The following TTBK2 variants were observed in gnomAD, a reference collection of about 807,000 sequenced individuals.
TTBK2 encodes tau tubulin kinase 2.
TTBK2 carries 28 observed loss-of-function variants against 110.8 expected under a neutral mutation model. That is an observed-to-expected ratio of 0.25 (90% CI 0.19 to 0.35). The LOEUF is 0.35. Ranked by LOEUF, TTBK2 falls within the 10% of genes least tolerant of loss-of-function variation. The pLI is 1.00. For synonymous variants in TTBK2, 532 were observed against 527.3 expected (o/e 1.01, Z -0.12); for missense variants, 1,369 against 1,500.3 (o/e 0.91, Z 1.45).
intron 10 of TTBK2, among the ~76,000 whole-genome samples, chr15:42,788,187 T>C (rs1890491785): frequency 6.6e-6 from 1 of 152,178 alleles, no homozygotes; most frequent in African/African-American, 2.4e-5. Flanking sequence ...GGTTCTTAAA[T>C]TTCCAGTAAA....
chr15:42,802,027 T>C lies in TTBK2; in HGVS notation c.823-7226A>G, dbSNP rs376332406. On this transcript the variant is annotated intron_variant, in intron 9 of 14. Transcript: ENST00000267890. ...GTCCATGTTGCTCCGAGCCATCTTC[T>C]GCTGCTGCACGAGGCTCCACTTGGT... is the stretch of plus-strand genomic sequence containing the variant. 1,330 of 1,485,786 alleles carry C rather than the reference T, an allele frequency of 9.0e-4. 4 individuals carry two copies. The highest frequency in any genetic ancestry group is 1.1e-3 in the Non-Finnish European group (1,158 of 1,075,948). The allele number at this position is 1,485,786 out of a possible 1,614,324, so 92.0% of individuals were successfully genotyped here.
intron 13 of TTBK2, among the ~76,000 whole-genome samples, chr15:42,756,457 G>C (rs765455886): frequency 7.3e-5 from 11 of 151,646 alleles, no homozygotes; most frequent in Non-Finnish European, 1.3e-4. Flanking sequence ...GTGATGGCGG[G>C]TGCCTGTAAT....
In TTBK2 at chr15:42,745,669, G is replaced by C. The variant is rs974533757; in HGVS notation, c.*126C>G. On this transcript the variant is annotated 3_prime_UTR_variant, in exon 15 of 15. Coordinates refer to ENST00000267890, the MANE Select transcript of TTBK2 (RefSeq NM_173500.4). ...GTATTATGTCTTCTTATAAATAATT[G>C]ATCATGTTACTTTCTTTTGCAAGAG... is the stretch of plus-strand genomic sequence containing the variant. The C allele has an allele frequency of 5.2e-6, 6 of 1,145,766 alleles. No homozygotes were observed. In the African/African-American group the frequency reaches 9.1e-5, roughly 17 times the overall value. 71.0% of individuals were successfully genotyped at this position (1,145,766 alleles called of 1,614,324 possible). A position where few individuals can be genotyped will look rare whatever the true frequency, so the allele number is the denominator to read the frequency against.
At chr15:42,747,080 T>G (rs997527627) in intron 14 of TTBK2, among the ~76,000 whole-genome samples, 3 of 150,918 alleles carry the variant, frequency 2.0e-5, no homozygotes, top group African/African-American at 7.3e-5. Context: ...TCCTCCCACC[T>G]CAGCCTCCTG....
chr15:42,820,632 C>A (rs1032855125), intron 6 of TTBK2, among the ~76,000 whole-genome samples: 1 of 152,014 alleles, frequency 6.6e-6, no homozygotes, highest in African/African-American at 2.4e-5. Context: ...ACCTAAATGT[C>A]TGCCAATAGG....
rs145960232 is a variant in TTBK2 at position 42,837,940 on chromosome 15, G to A, written c.291+2420C>T. 2.0e-3 allele frequency among the ~76,000 whole-genome samples: 312 copies of A among 152,262 alleles called. 1 individual carries two copies. The highest frequency in any genetic ancestry group is 4.1e-3 in the Admixed American group (63 of 15,298). On this transcript the variant is annotated intron_variant, in intron 4 of 14. Transcript: ENST00000267890. ...ATAAAGAAACCTGCTGGGCGCGGTG[G>A]CTCACACCTGTAATCCCAGCACTTT...
intron 3 of TTBK2, among the ~76,000 whole-genome samples, chr15:42,846,480 C>G (rs989283883): frequency 1.3e-5 from 2 of 152,128 alleles, no homozygotes; most frequent in African/African-American, 2.4e-5. Flanking sequence ...CCATGCCCAG[C>G]CTTTTTCCTA....
In TTBK2 at chr15:42,752,579, C is replaced by A. The variant is rs768128776; in HGVS notation, c.2667G>T (p.Leu889Phe). 3 of 1,614,146 alleles carry A rather than the reference C, an allele frequency of 1.9e-6. No individual in the cohort carries two copies. The highest frequency in any genetic ancestry group is 2.5e-6 in the Non-Finnish European group (3 of 1,180,036). ...TAGAGAGGTCTCCTTGATGACCTGG[C>A]AAGTCTTCACTCATGATGTCATCAT... ...SKDDDIMSED[L>F]PGHQGDLSTF... Residue 889 changes from leucine to phenylalanine, a missense_variant, in exon 14 of 15, where the codon TTG (leucine) becomes TTT (phenylalanine). By Grantham distance (22) the Leu-to-Phe change is conservative. Around this residue, in one of 4 missense-constraint regions of TTBK2, gnomAD observed 1,097 missense variants for 1,114.7 expected, o/e 0.98. Coordinates refer to ENST00000267890, the MANE Select transcript of TTBK2 (RefSeq NM_173500.4).
chr15:42,900,854 A>G (rs1270923416), intron 1 of TTBK2, among the ~76,000 whole-genome samples: 2 of 152,174 alleles, frequency 1.3e-5, no homozygotes, highest in Non-Finnish European at 2.9e-5. Context: ...TTTAAAAGCT[A>G]AAATATTTAA....
intron 3 of TTBK2, among the ~76,000 whole-genome samples, chr15:42,869,304 G>T (rs896695658): frequency 1.3e-5 from 2 of 151,462 alleles, no homozygotes; most frequent in African/African-American, 4.9e-5. Context: ...GCCCAGACTG[G>T]TCTCAAATTC....
At chr15:42,905,528 G>T (rs1275759725) in intron 1 of TTBK2, among the ~76,000 whole-genome samples, 1 of 151,828 alleles carries the variant, frequency 6.6e-6, no homozygotes, top group African/African-American at 2.4e-5. Flanking sequence ...AAGTGCTGGG[G>T]TTACAGGCAT....
chr15:42,771,977 G>C (rs983706814), intron 13 of TTBK2, among the ~76,000 whole-genome samples: 1 of 152,084 alleles, frequency 6.6e-6, no homozygotes, highest in Non-Finnish European at 1.5e-5. Context: ...TGGAGTTGCA[G>C]TTAAGATCAA....
rs1284498865 is a variant in TTBK2, at chr15:42,738,891, A to T, written c.*6904T>A. 1 of 152,228 alleles carries T rather than the reference A, an allele frequency of 6.6e-6. No individual in the cohort carries two copies. The highest frequency in any genetic ancestry group is 1.5e-5 in the Non-Finnish European group (1 of 68,046). 9.4% of individuals were successfully genotyped at this position (152,228 alleles called of 1,614,324 possible). ...ATCTGCTCCCCGTTGATCTTGTAAC[A>T]TCTGGTGTATTCAATAACTTTATTA... On this transcript the variant is annotated 3_prime_UTR_variant, in exon 15 of 15. Transcript: ENST00000267890.
chr15:42,782,632 A>T (rs1160272945), intron 11 of TTBK2, among the ~76,000 whole-genome samples: 3 of 152,240 alleles, frequency 2.0e-5, no homozygotes, highest in African/African-American at 7.2e-5. Flanking sequence ...CTTTATCCAG[A>T]TGTTCAAAAT....
In TTBK2 at chr15:42,763,084, TTATA is replaced by T. The variant is rs373174591; in HGVS notation, c.1999-9841_1999-9838del. Among the ~76,000 whole-genome samples the T allele has an allele frequency of 2.2e-3, 235 of 108,784 alleles. 2 individuals are homozygous for T. Among genetic ancestry groups the T allele is most frequent in the African/African-American group, 9.9e-3 (223 of 22,588 alleles). 71.4% of individuals were successfully genotyped at this position (108,784 alleles called of 152,430 possible). On this transcript the variant is annotated intron_variant, in intron 13 of 14. Transcript: ENST00000267890. ...TATAGGATGATTACAGTTAACAATTTTATATATATATATATATACGTATATATAT... is the reference window on the plus strand; with the variant it reads ...TATAGGATGATTACAGTTAACAATTTTATATATATATATACGTATATATAT...
chr15:42,828,984 C>T (rs1892644861), intron 5 of TTBK2, among the ~76,000 whole-genome samples: 1 of 151,988 alleles, frequency 6.6e-6, no homozygotes, highest in African/African-American at 2.4e-5. Flanking sequence ...TATTGTTCTA[C>T]TTAGGGGCTT....
intron 9 of TTBK2, chr15:42,802,291 G>A (rs1414212575): frequency 2.5e-6 from 2 of 789,946 alleles, no homozygotes; most frequent in South Asian, 1.3e-5. Context: ...GCCCATTCGG[G>A]AGAAGCTCGA....
intron 3 of TTBK2, among the ~76,000 whole-genome samples, chr15:42,863,295 A>G (rs561720162): frequency 2.0e-5 from 3 of 152,198 alleles, no homozygotes; most frequent in Non-Finnish European, 4.4e-5. Flanking sequence ...TCAAATCAAG[A>G]ACACAAGCCT....
chr15:42,894,361 A>G (rs908677384), intron 1 of TTBK2, among the ~76,000 whole-genome samples: 14 of 152,206 alleles, frequency 9.2e-5, no homozygotes, highest in African/African-American at 3.4e-4. Flanking sequence ...AAACATTTAA[A>G]GAAAAAATGA....
Sources: gnomAD v4.1 joint callset for allele counts (sites outside exome capture counted in the v4.1 genomes callset) on GRCh38, gnomAD v4.1.1 for gene constraint, gnomAD v4.1.1 regional missense constraint, MANE v1.5 for transcripts, NCBI Gene and HGNC (gene_info 2026-07-23, HGNC 2026-07-21) for gene names.